Variants in EIF4G3 observed in about 807,000 individuals in gnomAD.
EIF4G3 encodes eukaryotic translation initiation factor 4 gamma 3, also known as eIF-4-gamma 3.
A neutral mutation model predicts 186.4 loss-of-function variants in EIF4G3; 34 were observed. The ratio of observed to expected loss-of-function variants is 0.18; its 90% CI spans 0.14 to 0.24. EIF4G3 has a LOEUF of 0.24. Among genes scored for constraint, EIF4G3 ranks in the 10% least tolerant of loss-of-function variants. The probability of loss-of-function intolerance (pLI) is 1.00; values close to 1 mark genes in which losing one functional copy is unlikely to be tolerated. For synonymous variants in EIF4G3, 673 were observed against 679.5 expected, an observed-to-expected ratio of 0.99 and a Z score of 0.15; for missense variants, 1,536 against 1,948.5, an observed-to-expected ratio of 0.79 and a Z score of 3.99.
At chr1:21,075,570 C>CAAAAAAAAAAAAAAAAAAAAAAAAA (rs55649192) in intron 3 of EIF4G3, among the ~76,000 whole-genome samples, 6 of 51,562 alleles carry the variant, frequency 1.2e-4, no homozygotes, top group African/African-American at 2.0e-4. Flanking sequence ...CTCCAACTCA[C>CAAAAAAAAAAAAAAAAAAAAAAAAA]AAAAAAAAAA....
chr1:21,155,520 G>A (rs1425587763), intron 2 of EIF4G3, among the ~76,000 whole-genome samples: 2 of 152,002 alleles, frequency 1.3e-5, no homozygotes, highest in Non-Finnish European at 2.9e-5. Flanking sequence ...TAGGGAGACA[G>A]CAAGTGATTT....
At chr1:21,061,006 C>T (rs11806077) in intron 3 of EIF4G3, among the ~76,000 whole-genome samples, 5,152 of 152,116 alleles carry the variant, frequency 0.034, 291 homozygotes, top group African/African-American at 0.12. Flanking sequence ...ACTAAAATCC[C>T]TGCATTCCTG....
chr1:20,858,918 T>C (rs10916882), intron 24 of EIF4G3, among the ~76,000 whole-genome samples: 84,695 of 151,960 alleles, frequency 0.56, 24,249 homozygotes, highest in East Asian at 0.83. Flanking sequence ...ACTGCTTGAA[T>C]CCGGGAGGCG....
rs2058223721 is a variant in EIF4G3 at position 20,807,168 on chromosome 1, C to T, written c.*151G>A. 1 of 592,406 alleles carries T rather than the reference C, an allele frequency of 1.7e-6. No homozygotes were observed. The highest frequency in any genetic ancestry group is 3.1e-5 in the East Asian group (1 of 32,338). The allele number at this position is 592,406 out of a possible 1,614,324, so 36.7% of individuals were successfully genotyped here. On this transcript the variant is annotated 3_prime_UTR_variant, in exon 37 of 37. Transcript: ENST00000602326. ...ATCCAGTACCTTTTTCCTCCATGATCACCTTTTTTTCTCTTTCCCCTCTCC... is the reference window on the plus strand; with the variant it reads ...ATCCAGTACCTTTTTCCTCCATGATTACCTTTTTTTCTCTTTCCCCTCTCC...
chr1:21,175,656 T>C (rs1189061201), intron 2 of EIF4G3: 2 of 152,134 alleles, frequency 1.3e-5, no homozygotes, highest in Non-Finnish European at 2.9e-5. Context: ...AGACTGAAAA[T>C]CCAACATACC....
At chr1:20,997,984 C>T (rs1484161182) in intron 6 of EIF4G3, among the ~76,000 whole-genome samples, 1 of 149,254 alleles carries the variant, frequency 6.7e-6, no homozygotes, top group East Asian at 2.0e-4. Flanking sequence ...TATATTAAGA[C>T]AAACATGAAA....
In EIF4G3 at chr1:20,845,151, C is replaced by G. The variant is rs955378090; in HGVS notation, c.3889-4123G>C. 3.3e-5 allele frequency among the ~76,000 whole-genome samples: 5 copies of G among 152,066 alleles called. No individual in the cohort carries two copies. In the South Asian group the frequency reaches 6.2e-4, roughly 19 times the overall value. On this transcript the variant is annotated intron_variant, in intron 29 of 36. Transcript: ENST00000602326. Reference sequence around the variant, plus strand: ...TTTTTGTATATGGTATAAAGAAAGGCTCCAGTTTCAATTTTCCGCTTATGA... The same window carrying G: ...TTTTTGTATATGGTATAAAGAAAGGGTCCAGTTTCAATTTTCCGCTTATGA...
intron 4 of EIF4G3, among the ~76,000 whole-genome samples, chr1:21,042,517 A>G (rs2093643452): frequency 6.6e-6 from 1 of 152,178 alleles, no homozygotes; most frequent in African/African-American, 2.4e-5. Context: ...TGTACACTAC[A>G]TTTTATAGTT....
intron 10 of EIF4G3, among the ~76,000 whole-genome samples, chr1:20,978,911 GA>G (rs947148313): frequency 1.0e-4 from 14 of 140,606 alleles, no homozygotes; most frequent in Non-Finnish European, 1.2e-4. Flanking sequence ...CCTCAAAACT[GA>G]AAAAAAAAAA....
intron 3 of EIF4G3, among the ~76,000 whole-genome samples, chr1:21,079,075 T>TA (rs1367224472): frequency 2.6e-5 from 4 of 152,122 alleles, no homozygotes; most frequent in Non-Finnish European, 4.4e-5. Flanking sequence ...ATGATTCTTC[T>TA]AAAAAAAGTA....
At chr1:21,103,835 C>T (rs920605204) in intron 2 of EIF4G3, among the ~76,000 whole-genome samples, 6 of 152,064 alleles carry the variant, frequency 3.9e-5, no homozygotes, top group African/African-American at 1.4e-4. Context: ...CAGAGCAAGA[C>T]TCTGTCTCAG....
At chr1:21,169,365 T>A (rs1469148202) in intron 2 of EIF4G3, among the ~76,000 whole-genome samples, 1 of 151,874 alleles carries the variant, frequency 6.6e-6, no homozygotes, top group Non-Finnish European at 1.5e-5. Flanking sequence ...GCAGAATTGT[T>A]TGAACCCGGG....
chr1:21,013,020 T>C (rs766227856), intron 4 of EIF4G3, among the ~76,000 whole-genome samples: 11 of 151,998 alleles, frequency 7.2e-5, no homozygotes, highest in Non-Finnish European at 1.6e-4. Context: ...TAGTGCGGAA[T>C]ATGAAAGTAG....
chr1:20,837,566 T>C (rs974127473), intron 30 of EIF4G3, among the ~76,000 whole-genome samples: 1 of 152,160 alleles, frequency 6.6e-6, no homozygotes, highest in African/African-American at 2.4e-5. Flanking sequence ...CAGAAACTGC[T>C]TCCCCAACTG....
chr1:20,902,852 G>A (rs7530842), intron 15 of EIF4G3, among the ~76,000 whole-genome samples: 16,672 of 152,162 alleles, frequency 0.11, 1,198 homozygotes, highest in East Asian at 0.32. Flanking sequence ...TGTTGGCCAG[G>A]CTGGTCTCGA....
intron 4 of EIF4G3, among the ~76,000 whole-genome samples, chr1:21,026,594 A>G (rs1218076600): frequency 2.0e-5 from 3 of 152,112 alleles, no homozygotes; most frequent in Non-Finnish European, 2.9e-5. Flanking sequence ...TATTACACCA[A>G]GAGAGTCAAG....
At chr1:20,816,868 A>C in intron 34 of EIF4G3, among the ~76,000 whole-genome samples, 1 of 110,700 alleles carries the variant, frequency 9.0e-6, no homozygotes. Flanking sequence ...AGAAGTAGAC[A>C]TGGGAGACTT....
intron 2 of EIF4G3, among the ~76,000 whole-genome samples, chr1:21,133,708 T>C (rs935981939): frequency 1.3e-5 from 2 of 152,160 alleles, no homozygotes; most frequent in Non-Finnish European, 2.9e-5. Flanking sequence ...CTCTAACAAT[T>C]GAAGCTAATA....
At chr1:21,083,110 G>A (rs1033409374) in intron 3 of EIF4G3, among the ~76,000 whole-genome samples, 1 of 146,686 alleles carries the variant, frequency 6.8e-6, no homozygotes, top group Admixed American at 6.8e-5. Flanking sequence ...GCTTGTGCCT[G>A]TAATCCTAGT....
Sources: gnomAD v4.1 joint callset for allele counts (sites outside exome capture counted in the v4.1 genomes callset) on GRCh38, gnomAD v4.1.1 for gene constraint, MANE v1.5 for transcripts, NCBI Gene and HGNC (gene_info 2026-07-23, HGNC 2026-07-21) for gene names.